CEP41: variants seen among roughly 807,000 people sequenced by gnomAD.
CEP41 encodes centrosomal protein 41, also known as centrosomal protein of 41 kDa.
A neutral mutation model predicts 44.3 loss-of-function variants in CEP41; 32 were observed. The observed-to-expected ratio is 0.72, with a 90% CI of 0.54 to 0.97. The LOEUF (loss-of-function observed/expected upper bound fraction) is 0.97, where lower values mean the gene tolerates loss of function less well. CEP41 is among the 50% of genes least tolerant of loss of function. CEP41 has a pLI of 0.00. For synonymous variants in CEP41, 151 were observed against 168.5 expected (o/e 0.90, Z 0.80); for missense variants, 432 against 455.2 (o/e 0.95, Z 0.46).
intron 7 of CEP41, 135 bp from the exon 8 acceptor site, chr7:130,402,083 C>G (rs1796861946): frequency 5.8e-6 from 4 of 690,468 alleles, no homozygotes; most frequent in Non-Finnish European, 1.1e-5. Context: ...GTGGCTAACA[C>G]CTATAATCCC....
intron 5 of CEP41, among the ~76,000 whole-genome samples, chr7:130,405,515 G>A (rs1796983114): frequency 6.6e-6 from 1 of 152,130 alleles, no homozygotes; most frequent in Non-Finnish European, 1.5e-5. Context: ...CCGAAGTATG[G>A]GGAGCTGCTT....
At chr7:130,411,944 A>G (rs1554419824) in intron 4 of CEP41, 1 of 445,598 alleles carries the variant, frequency 2.2e-6, no homozygotes, top group Non-Finnish European at 4.0e-6. Flanking sequence ...TTAATGAATT[A>G]AAAGTAGGGC....
intron 5 of CEP41, among the ~76,000 whole-genome samples, chr7:130,407,253 A>AACAAAC (rs1177944073): frequency 3.2e-4 from 41 of 129,402 alleles, no homozygotes; most frequent in African/African-American, 5.7e-4. Context: ...AACAAGAGTA[A>AACAAAC]ACACACACAC....
At chr7:130,431,118 C>T (rs775789527) in intron 1 of CEP41, among the ~76,000 whole-genome samples, 1 of 146,814 alleles carries the variant, frequency 6.8e-6, no homozygotes, top group Admixed American at 6.8e-5. Context: ...TAGTACCAAC[C>T]GCAATGTAAA....
At position 130,394,212 on chromosome 7, in the gene CEP41, G is replaced by A. The variant is rs1584857999; in HGVS notation, c.*4679C>T. On this transcript the variant is annotated 3_prime_UTR_variant, in exon 11 of 11. Coordinates refer to ENST00000223208, the MANE Select transcript of CEP41 (RefSeq NM_018718.3). ...GGAGTGGCTGAAAGAACACCCTCTG[G>A]AGCCACAGTTCTCAGGCTGGCTCCT... 2.2e-6 allele frequency: 1 copy of A among 453,946 alleles called. No individual in the cohort carries two copies. Among genetic ancestry groups the A allele is most frequent in the African/African-American group, 2.0e-5 (1 of 49,984 alleles). 28.1% of individuals were successfully genotyped at this position (453,946 alleles called of 1,614,324 possible).
intron 1 of CEP41, among the ~76,000 whole-genome samples, chr7:130,437,358 C>A (rs1797996187): frequency 8.7e-6 from 1 of 115,544 alleles, no homozygotes; most frequent in Admixed American, 8.5e-5. Flanking sequence ...TAAAGTCACA[C>A]TGGGGACAAA....
Position 130,397,506 on chromosome 7 carries a change from ATTTTT to A in CEP41, c.*1380_*1384del, listed in dbSNP as rs55776575. The A allele has an allele frequency of 0.014, 4,105 of 295,082 alleles. No individual in the cohort carries two copies. The highest frequency in any genetic ancestry group is 0.018 in the East Asian group (168 of 9,584). 18.3% of individuals were successfully genotyped at this position (295,082 alleles called of 1,614,324 possible). On this transcript the variant is annotated 3_prime_UTR_variant, in exon 11 of 11. Transcript: ENST00000223208. ...CCCCATGCTAGAAATACTGTGGTGC[ATTTTT>A]TTTTTTTTTTTTTTTTTTTTTTGGT...
intron 8 of CEP41, chr7:130,401,093 A>G: frequency 2.4e-6 from 1 of 423,218 alleles, no homozygotes; most frequent in Admixed American, 3.6e-5. Context: ...TCTTATCCCT[A>G]TGACCCTGGA....
At chr7:130,417,249 T>C (rs1797365073) in intron 2 of CEP41, 2 of 1,222,538 alleles carry the variant, frequency 1.6e-6, no homozygotes, top group Non-Finnish European at 1.0e-6. Flanking sequence ...TCATTTTCTA[T>C]CAGTTTGTTT....
rs186133574 is a variant in CEP41 at position 130,424,655 on chromosome 7, C to T, written c.97+3300G>A. ...AATGGCACCAGACCAATTGAATATCCGTAAGCAAAAACTTAGTCTTGATGT... is the reference window on the plus strand; with the variant it reads ...AATGGCACCAGACCAATTGAATATCTGTAAGCAAAAACTTAGTCTTGATGT... On this transcript the variant is annotated intron_variant, in intron 2 of 10. Coordinates refer to ENST00000223208, the MANE Select transcript of CEP41 (RefSeq NM_018718.3). 1.2e-3 allele frequency among the ~76,000 whole-genome samples: 187 copies of T among 151,986 alleles called. 1 individual carries two copies. Among genetic ancestry groups the T allele is most frequent in the African/African-American group, 4.3e-3 (178 of 41,452 alleles).
At chr7:130,413,030 C>T (rs959388042) in intron 3 of CEP41, among the ~76,000 whole-genome samples, 25 of 152,230 alleles carry the variant, frequency 1.6e-4, no homozygotes, top group African/African-American at 5.5e-4. Context: ...ATTTCTCTGT[C>T]GCCCAGGCTG....
chr7:130,428,189 C>T (rs531603997), intron 1 of CEP41, among the ~76,000 whole-genome samples, 171 bp from the exon 2 acceptor site: 3 of 151,960 alleles, frequency 2.0e-5, no homozygotes, highest in South Asian at 2.1e-4. Context: ...TTTAGGAGGC[C>T]GAGGTGGGTG....
chr7:130,427,995 C>T lies in CEP41; in HGVS notation c.57G>A (p.Gln19=). 6.2e-7 allele frequency: 1 copy of T among 1,605,068 alleles called. No homozygotes were observed. Among genetic ancestry groups the T allele is most frequent in the African/African-American group, 1.3e-5 (1 of 74,764 alleles). Residue 19 remains glutamine, a synonymous_variant, in exon 2 of 11, where the codon CAG becomes CAA. Transcript: ENST00000223208. ...NPEYLMKRIP[Q]NPRYQHIKSR... ...ATTTGATATGCTGGTATCTTGGGTT[C>T]TGTGGTATCCTTTTCATCAGATACT... is the stretch of plus-strand genomic sequence containing the variant.
chr7:130,438,736 G>C (rs1417798669), intron 1 of CEP41, among the ~76,000 whole-genome samples: 1 of 152,154 alleles, frequency 6.6e-6, no homozygotes, highest in East Asian at 1.9e-4. Context: ...CAGCAGACAA[G>C]ATAAATATGT....
intron 5 of CEP41, 67 bp from the exon 6 acceptor site, chr7:130,404,775 CTGACAT>C (rs1796959855): frequency 3.3e-6 from 4 of 1,212,360 alleles, no homozygotes; most frequent in African/African-American, 3.0e-5. Context: ...ATTAGTTCCA[CTGACAT>C]TAAGTCAAGA....
chr7:130,435,814 A>G (rs1797944304), intron 1 of CEP41, among the ~76,000 whole-genome samples: 1 of 152,192 alleles, frequency 6.6e-6, no homozygotes, highest in South Asian at 2.1e-4. Flanking sequence ...GTAATAGCCC[A>G]AAACTGATGA....
intron 2 of CEP41, chr7:130,419,816 G>A: frequency 1.0e-6 from 1 of 985,220 alleles, no homozygotes; most frequent in Non-Finnish European, 1.2e-6. Context: ...ACTCGTAAGA[G>A]CTCACTCAGC....
At chr7:130,400,539 T>C (rs979209885) in intron 9 of CEP41, 168 bp downstream of exon 9, 101 of 665,184 alleles carry the variant, frequency 1.5e-4, no homozygotes, top group Non-Finnish European at 2.4e-4. Context: ...AAACATGTGC[T>C]GATGAAGCTA....
intron 6 of CEP41, among the ~76,000 whole-genome samples, chr7:130,403,324 C>T (rs1490548385): frequency 2.6e-5 from 4 of 152,020 alleles, no homozygotes; most frequent in African/African-American, 9.7e-5. Flanking sequence ...GTACTTACTC[C>T]AGTTTTATAG....
Sources: allele counts gnomAD v4.1 joint callset (sites outside exome capture counted in the v4.1 genomes callset), GRCh38; gene constraint gnomAD v4.1.1; transcripts MANE v1.5; gene names NCBI Gene and HGNC (gene_info 2026-07-23, HGNC 2026-07-21).